Variants in ZNF618 observed in about 807,000 individuals in gnomAD.
ZNF618 encodes zinc finger protein 618.
Under a neutral mutation model 103.0 loss-of-function variants are expected in ZNF618, and 34 were observed. The observed-to-expected ratio is 0.33, with a 90% CI of 0.25 to 0.44. The LOEUF (loss-of-function observed/expected upper bound fraction) is 0.44. Among genes scored for constraint, ZNF618 ranks in the 20% least tolerant of loss-of-function variants. The pLI, the probability that ZNF618 is intolerant of heterozygous loss-of-function variation, is 1.00. For synonymous variants in ZNF618, 551 were observed against 542.2 expected (o/e 1.02, Z -0.23); for missense variants, 1,059 against 1,295.4 (o/e 0.82, Z 2.80).
intron 6 of ZNF618, among the ~76,000 whole-genome samples, chr9:114,005,944 A>C (rs1443062298): frequency 1.3e-5 from 2 of 152,198 alleles, no homozygotes; most frequent in Non-Finnish European, 2.9e-5. Context: ...TCTTTCTTGG[A>C]TGATTCTGGT....
intron 13 of ZNF618, among the ~76,000 whole-genome samples, chr9:114,044,406 A>G (rs1366488381): frequency 2.0e-5 from 3 of 152,058 alleles, no homozygotes; most frequent in South Asian, 2.1e-4. Flanking sequence ...CTATGTGCCT[A>G]TTTTTATGCC....
At chr9:113,964,750 CT>C (rs765191153) in intron 1 of ZNF618, among the ~76,000 whole-genome samples, 1,862 of 98,472 alleles carry the variant, frequency 0.019, 12 homozygotes, top group African/African-American at 0.054. Context: ...CTCCTTTCTG[CT>C]TTTTTTTTTT....
chr9:113,990,842 A>C (rs1397265553), intron 3 of ZNF618, among the ~76,000 whole-genome samples: 1 of 152,118 alleles, frequency 6.6e-6, no homozygotes, highest in Non-Finnish European at 1.5e-5. Flanking sequence ...CCAGTGTGGA[A>C]TGAGAGAGTG....
chr9:113,934,863 G>A (rs555468425), intron 1 of ZNF618, among the ~76,000 whole-genome samples: 11 of 152,316 alleles, frequency 7.2e-5, no homozygotes, highest in African/African-American at 1.9e-4. Context: ...GCTGGGGACC[G>A]CCAGAGTATC....
Position 114,011,018 on chromosome 9 carries a change from C to G in ZNF618, c.754+2464C>G, listed in dbSNP as rs554477606. Among the ~76,000 whole-genome samples the G allele has an allele frequency of 1.2e-4, 19 of 152,326 alleles. No homozygotes were observed. The South Asian group carries it at 3.9e-3, about 32-fold the overall frequency. On this transcript the variant is annotated intron_variant, in intron 9 of 14. Coordinates refer to ENST00000374126, the MANE Select transcript of ZNF618 (RefSeq NM_001318042.2). ...GTTGGAGCACACACACACAAAATGTCTCACCAAGCACCTGGCTCATATCCA... is the reference window on the plus strand; with the variant it reads ...GTTGGAGCACACACACACAAAATGTGTCACCAAGCACCTGGCTCATATCCA...
At chr9:113,989,275 C>T (rs1839792572) in intron 3 of ZNF618, among the ~76,000 whole-genome samples, 1 of 152,346 alleles carries the variant, frequency 6.6e-6, no homozygotes, top group Non-Finnish European at 1.5e-5. Context: ...GTGTGGAGGG[C>T]GGCTGCTGCT....
chr9:114,046,142 A>G (rs1317156528), intron 13 of ZNF618, among the ~76,000 whole-genome samples: 1 of 152,106 alleles, frequency 6.6e-6, no homozygotes, highest in Non-Finnish European at 1.5e-5. Flanking sequence ...GATTTTCTAT[A>G]TACACAATCA....
At chr9:113,936,775 T>C (rs142053482) in intron 1 of ZNF618, among the ~76,000 whole-genome samples, 59 of 152,356 alleles carry the variant, frequency 3.9e-4, no homozygotes, top group Non-Finnish European at 7.1e-4. Flanking sequence ...AAATACCTCT[T>C]CATTCCAACA....
intron 4 of ZNF618, among the ~76,000 whole-genome samples, 170 bp from the exon 5 acceptor site, chr9:114,001,826 G>A (rs947412356): frequency 6.6e-6 from 1 of 152,108 alleles, no homozygotes; most frequent in Non-Finnish European, 1.5e-5. Flanking sequence ...GGGCAAACCT[G>A]GATCTAGACC....
chr9:113,913,238 C>T (rs971280040), intron 1 of ZNF618, among the ~76,000 whole-genome samples: 3 of 152,308 alleles, frequency 2.0e-5, no homozygotes, highest in South Asian at 2.1e-4. Context: ...CCCCCTTTTA[C>T]AGATGAGGAT....
rs1261735000 is a variant in ZNF618, at chr9:114,048,865, G to A, written c.1563G>A (p.Leu521=). The change falls in exon 15 of 15, where the codon CTG becomes CTA. Residue 521 remains leucine (L), a synonymous_variant. Coordinates refer to ENST00000374126, the MANE Select transcript of ZNF618 (RefSeq NM_001318042.2). ...VTEILGNFNT[L]ALKHLPRMYN... The stretch of plus-strand genomic sequence containing the variant: ...AAATCCTGGGCAACTTCAACACGCT[G>A]GCGCTGAAGCACCTGCCACGCATGT... 1.2e-6 allele frequency: 2 copies of A among 1,607,786 alleles called. No homozygotes were observed. Among genetic ancestry groups the A allele is most frequent in the Non-Finnish European group, 8.5e-7 (1 of 1,176,946 alleles).
intron 12 of ZNF618, chr9:114,035,179 T>G (rs1429825266): frequency 6.2e-5 from 61 of 985,992 alleles, no homozygotes; most frequent in Non-Finnish European, 7.3e-5. Flanking sequence ...CTAAACTGTT[T>G]CTCTTTTGCA....
At chr9:113,987,527 G>A (rs553468877) in intron 2 of ZNF618, among the ~76,000 whole-genome samples, 45 of 152,306 alleles carry the variant, frequency 3.0e-4, no homozygotes, top group African/African-American at 9.6e-4. Context: ...GGAGTTTCCC[G>A]TTTGTAAAGC....
intron 1 of ZNF618, among the ~76,000 whole-genome samples, chr9:113,925,890 C>A (rs552681895): frequency 6.6e-6 from 1 of 152,198 alleles, no homozygotes; most frequent in Non-Finnish European, 1.5e-5. Context: ...CTATTTTGAA[C>A]AAACTGTTAT....
intron 9 of ZNF618, among the ~76,000 whole-genome samples, chr9:114,009,343 C>T (rs530283936): frequency 2.0e-5 from 3 of 152,288 alleles, no homozygotes; most frequent in East Asian, 1.9e-4. Context: ...TCCCGAAAAT[C>T]GATGATGGCT....
intron 1 of ZNF618, 137 bp downstream of exon 1, chr9:113,876,550 T>A (rs1827950903): frequency 1.6e-6 from 1 of 626,256 alleles, no homozygotes; most frequent in Non-Finnish European, 2.1e-6. Flanking sequence ...GTGGGCGCAA[T>A]CGGGAGGGTC....
chr9:114,010,652 C>G (rs10982028), intron 9 of ZNF618, among the ~76,000 whole-genome samples: 34,937 of 151,610 alleles, frequency 0.23, 4,945 homozygotes, highest in Middle Eastern at 0.41. Flanking sequence ...TGCAGTGAGC[C>G]GAGATTGCAC....
intron 2 of ZNF618, among the ~76,000 whole-genome samples, chr9:113,982,494 G>A (rs1347639817): frequency 6.6e-6 from 1 of 152,060 alleles, no homozygotes; most frequent in Non-Finnish European, 1.5e-5. Flanking sequence ...GCATTTAGGG[G>A]CTACTCAGAT....
Position 113,876,330 on chromosome 9 carries a change from C to T in ZNF618, c.-51C>T, listed in dbSNP as rs1292245381. On this transcript the variant is annotated 5_prime_UTR_variant, in exon 1 of 15. Transcript: ENST00000374126. ...CGGCATTGTGCGCGCACCAGCAGCCCGGCCCGGGAGGAGCAGGACGCGCCG... is the reference window on the plus strand; with the variant it reads ...CGGCATTGTGCGCGCACCAGCAGCCTGGCCCGGGAGGAGCAGGACGCGCCG... The T allele has an allele frequency of 8.7e-6, 10 of 1,149,080 alleles. No homozygotes were observed. Among genetic ancestry groups the T allele is most frequent in the South Asian group, 4.2e-5 (1 of 23,802 alleles). 71.2% of individuals were successfully genotyped at this position (1,149,080 alleles called of 1,614,324 possible). A position where few individuals can be genotyped will look rare whatever the true frequency, so the allele number is the denominator to read the frequency against.
Sources: allele counts gnomAD v4.1 joint callset (sites outside exome capture counted in the v4.1 genomes callset), GRCh38; gene constraint gnomAD v4.1.1; transcripts MANE v1.5; gene names NCBI Gene and HGNC (gene_info 2026-07-23, HGNC 2026-07-21).